The following MMD2 variants were observed in gnomAD, a reference collection of about 807,000 sequenced individuals.
MMD2 encodes the protein monocyte to macrophage differentiation associated 2.
In MMD2, 30 loss-of-function variants were observed where a neutral mutation model predicts 33.5. That is an observed-to-expected ratio of 0.90 (90% CI 0.67 to 1.22). MMD2 has a LOEUF of 1.22. Ranked by LOEUF, MMD2 falls within the 50% of genes most tolerant of loss-of-function variation. The probability of loss-of-function intolerance (pLI) is 0.00; values close to 1 mark genes in which losing one functional copy is unlikely to be tolerated. For missense variants in MMD2, 364 were observed against 325.4 expected (o/e 1.12, Z -0.91); for synonymous variants, 129 against 123.0 (o/e 1.05, Z -0.32).
At chr7:4,941,946 G>A (rs1199466404) in intron 1 of MMD2, among the ~76,000 whole-genome samples, 1 of 151,606 alleles carries the variant, frequency 6.6e-6, no homozygotes, top group Non-Finnish European at 1.5e-5. Flanking sequence ...GCTGGTGGGA[G>A]GTCATTTATT....
the MMD2 span, among the ~76,000 whole-genome samples, chr7:4,900,796 C>T: frequency 6.6e-6 from 1 of 152,152 alleles, no homozygotes; most frequent in African/African-American, 2.4e-5. Context: ...GCCTCCTCTC[C>T]ACACCTTGCT....
At chr7:4,900,851 C>T in the MMD2 span, among the ~76,000 whole-genome samples, 4 of 152,076 alleles carry the variant, frequency 2.6e-5, no homozygotes, top group Non-Finnish European at 4.4e-5. Flanking sequence ...TATAAACCAG[C>T]TCCCTGGGCC....
chr7:4,897,714 T>G, the MMD2 span, among the ~76,000 whole-genome samples: 1 of 151,636 alleles, frequency 6.6e-6, no homozygotes, highest in Non-Finnish European at 1.5e-5. Context: ...CCTCCTTCCT[T>G]TCTCCAGTGT....
At chr7:4,904,255 G>C (rs567309208), downstream of MMD2, among the ~76,000 whole-genome samples, 1 of 152,160 alleles carries the variant, frequency 6.6e-6, no homozygotes, top group Admixed American at 6.5e-5. Context: ...CCACACACCC[G>C]GTGCGCAGCC....
At chr7:4,926,693 T>C (rs1014012486) in intron 1 of MMD2, among the ~76,000 whole-genome samples, 4 of 152,154 alleles carry the variant, frequency 2.6e-5, no homozygotes, top group African/African-American at 9.7e-5. Flanking sequence ...AACGTGATTT[T>C]TGCGAGATTC....
At chr7:4,943,008 T>TC (rs997053823) in intron 1 of MMD2, among the ~76,000 whole-genome samples, 2 of 135,854 alleles carry the variant, frequency 1.5e-5, no homozygotes, top group African/African-American at 5.6e-5. Flanking sequence ...CCTTTTCTTT[T>TC]TTTTTTTTTT....
chr7:4,925,645 C>T, intron 1 of MMD2, 113 bp from the exon 2 acceptor site: 1 of 643,552 alleles, frequency 1.6e-6, no homozygotes, highest in Non-Finnish European at 2.6e-6. Context: ...GAGCACTCCC[C>T]TTCTCCCTTT....
At chr7:4,922,246 C>T (rs1342056001) in intron 2 of MMD2, among the ~76,000 whole-genome samples, 2 of 151,548 alleles carry the variant, frequency 1.3e-5, no homozygotes, top group Non-Finnish European at 2.9e-5. Flanking sequence ...AAATCACTTT[C>T]ATCAATCTTA....
intron 4 of MMD2, among the ~76,000 whole-genome samples, chr7:4,913,932 A>G (rs544721718): frequency 2.6e-5 from 4 of 152,100 alleles, no homozygotes; most frequent in South Asian, 4.1e-4. Flanking sequence ...AAGTGCTGGG[A>G]TTACAGGCGT....
downstream of MMD2, among the ~76,000 whole-genome samples, chr7:4,904,088 A>G (rs942182862): frequency 2.0e-5 from 3 of 152,278 alleles, no homozygotes; most frequent in Non-Finnish European, 2.9e-5. Flanking sequence ...AGGTGCCACC[A>G]TGTCTGGCTA....
chr7:4,899,569 G>A, the MMD2 span, among the ~76,000 whole-genome samples: 1 of 151,982 alleles, frequency 6.6e-6, no homozygotes, highest in Non-Finnish European at 1.5e-5. Flanking sequence ...TGTATTTTTA[G>A]TAGAGACAGT....
intron 4 of MMD2, among the ~76,000 whole-genome samples, chr7:4,914,952 C>CA (rs1274385632): frequency 6.6e-6 from 1 of 151,812 alleles, no homozygotes; most frequent in Non-Finnish European, 1.5e-5. Context: ...CAAAACAAAA[C>CA]AAAAAATAAA....
chr7:4,949,648 A>G (rs1786185638), intron 1 of MMD2, among the ~76,000 whole-genome samples: 1 of 151,942 alleles, frequency 6.6e-6, no homozygotes, highest in South Asian at 2.1e-4. Flanking sequence ...AGTAGCTGGG[A>G]CTACAGGCAC....
intron 1 of MMD2, among the ~76,000 whole-genome samples, chr7:4,935,407 C>T (rs1026535248): frequency 2.0e-5 from 3 of 151,640 alleles, no homozygotes; most frequent in Non-Finnish European, 2.9e-5. Context: ...TCAGTTTATT[C>T]GGTCTGGGGT....
chr7:4,910,880 C>T (rs1434724804), intron 5 of MMD2, among the ~76,000 whole-genome samples: 1 of 152,126 alleles, frequency 6.6e-6, no homozygotes, highest in Non-Finnish European at 1.5e-5. Flanking sequence ...CTGCCTGCCT[C>T]GTGGATCACT....
chr7:4,947,678 C>G (rs1163859172), intron 1 of MMD2, among the ~76,000 whole-genome samples: 2 of 131,956 alleles, frequency 1.5e-5, no homozygotes, highest in African/African-American at 5.7e-5. Flanking sequence ...CAGGTGTGAG[C>G]GACTGCACCT....
chr7:4,912,291 G>A (rs934351369), intron 4 of MMD2, among the ~76,000 whole-genome samples: 1 of 151,906 alleles, frequency 6.6e-6, no homozygotes, highest in African/African-American at 2.4e-5. Context: ...GGGCGCGGTG[G>A]CTCACGCCTG....
chr7:4,942,190 A>G (rs565672313), intron 1 of MMD2, among the ~76,000 whole-genome samples: 1 of 152,018 alleles, frequency 6.6e-6, no homozygotes, highest in South Asian at 2.1e-4. Flanking sequence ...CTGACCTCAG[A>G]TGATCCACTG....
At chr7:4,910,752 C>A (rs1784984761) in intron 5 of MMD2, among the ~76,000 whole-genome samples, 1 of 152,152 alleles carries the variant, frequency 6.6e-6, no homozygotes, top group African/African-American at 2.4e-5. Flanking sequence ...CCTCAGCCTC[C>A]CAAGTAGTTG....
Sources: allele counts gnomAD v4.1 joint callset (sites outside exome capture counted in the v4.1 genomes callset), GRCh38; gene constraint gnomAD v4.1.1; transcripts MANE v1.5; gene names NCBI Gene and HGNC (gene_info 2026-07-23, HGNC 2026-07-21).